The following C2CD2 variants were observed in gnomAD, a reference collection of about 807,000 sequenced individuals.
The protein encoded by C2CD2 is C2 calcium dependent domain containing 2.
C2CD2 carries 43 observed loss-of-function variants against 74.3 expected under a neutral mutation model. The ratio of observed to expected loss-of-function variants is 0.58; its 90% CI spans 0.45 to 0.75. The LOEUF (loss-of-function observed/expected upper bound fraction) is 0.75. C2CD2 is among the 30% of genes least tolerant of loss of function. The probability of loss-of-function intolerance (pLI) is 0.00; values close to 1 mark genes in which losing one functional copy is unlikely to be tolerated. For synonymous variants in C2CD2, 422 were observed against 390.7 expected (o/e 1.08, Z -0.94); for missense variants, 801 against 916.3 (o/e 0.87, Z 1.63).
intron 13 of C2CD2, among the ~76,000 whole-genome samples, chr21:41,893,169 T>A (rs1163709635): frequency 6.6e-6 from 1 of 152,174 alleles, no homozygotes; most frequent in Non-Finnish European, 1.5e-5. Context: ...AAAATTAAAC[T>A]TTTTTTAAAA....
chr21:41,951,685 T>C (rs1015535631), intron 1 of C2CD2, among the ~76,000 whole-genome samples: 10 of 152,242 alleles, frequency 6.6e-5, no homozygotes, highest in African/African-American at 2.4e-4. Flanking sequence ...TGTTCTCAGA[T>C]TGACTTGACC....
chr21:41,951,692 G>C (rs996794341), intron 1 of C2CD2, among the ~76,000 whole-genome samples: 7 of 152,168 alleles, frequency 4.6e-5, no homozygotes, highest in African/African-American at 1.7e-4. Flanking sequence ...AGATTGACTT[G>C]ACCAGCCTAA....
At chr21:41,932,795 C>G (rs547221813) in intron 2 of C2CD2, among the ~76,000 whole-genome samples, 4 of 150,628 alleles carry the variant, frequency 2.7e-5, no homozygotes, top group African/African-American at 9.7e-5. Flanking sequence ...TCTGTGTAGA[C>G]TATGCAGAGA....
intron 2 of C2CD2, among the ~76,000 whole-genome samples, chr21:41,932,946 G>C (rs1372215947): frequency 6.6e-6 from 1 of 150,456 alleles, no homozygotes; most frequent in Admixed American, 6.7e-5. Flanking sequence ...CCCACAGGGA[G>C]ACTCCAGATG....
chr21:41,901,144 G>T (rs573286197), intron 12 of C2CD2: 4 of 215,038 alleles, frequency 1.9e-5, no homozygotes, highest in African/African-American at 4.6e-5. Flanking sequence ...CAGAGCGGGA[G>T]AAGGGGGAGA....
At chr21:41,891,921 G>A (rs187684600) in intron 13 of C2CD2, among the ~76,000 whole-genome samples, 1 of 152,278 alleles carries the variant, frequency 6.6e-6, no homozygotes, top group African/African-American at 2.4e-5. Flanking sequence ...AAGCTGGCCT[G>A]GCGTCTGTAT....
Position 41,887,582 on chromosome 21 carries a change from GT to G in C2CD2, c.*1541del, listed in dbSNP as rs1223431529. 6.6e-6 allele frequency: 1 copy of G among 150,380 alleles called. No homozygotes were observed. Among genetic ancestry groups the G allele is most frequent in the Admixed American group, 6.6e-5 (1 of 15,110 alleles). The allele number at this position is 150,380 out of a possible 1,614,324, so 9.3% of individuals were successfully genotyped here. On this transcript the variant is annotated 3_prime_UTR_variant, in exon 14 of 14. Coordinates refer to ENST00000380486, the MANE Select transcript of C2CD2 (RefSeq NM_015500.2). Reference sequence around the variant, plus strand: ...TCCTATAATTTTGGTTTTTATATAGGTTTTTACTAAAAAAGAAAAAAATCCT... The same window carrying G: ...TCCTATAATTTTGGTTTTTATATAGGTTTTACTAAAAAAGAAAAAAATCCT...
At chr21:41,896,488 C>T (rs1307035898) in intron 13 of C2CD2, among the ~76,000 whole-genome samples, 3 of 152,142 alleles carry the variant, frequency 2.0e-5, no homozygotes, top group African/African-American at 7.2e-5. Context: ...ACCCTCTTAA[C>T]CATTTCTACC....
intron 3 of C2CD2, 26 bp downstream of exon 3, chr21:41,921,946 A>AGT (rs770386525): frequency 1.4e-6 from 2 of 1,450,768 alleles, no homozygotes. Flanking sequence ...CGGGTCTCAT[A>AGT]ACTTGCAAAG....
At chr21:41,951,000 C>T (rs889256524) in intron 1 of C2CD2, among the ~76,000 whole-genome samples, 1 of 152,104 alleles carries the variant, frequency 6.6e-6, no homozygotes, top group Non-Finnish European at 1.5e-5. Context: ...CAGGCGAGAG[C>T]GGGCTTGGAG....
chr21:41,952,654 G>A (rs1416574815), intron 1 of C2CD2, among the ~76,000 whole-genome samples: 1 of 152,266 alleles, frequency 6.6e-6, no homozygotes, highest in African/African-American at 2.4e-5. Flanking sequence ...GGACTGTGAG[G>A]CAGCAGAGGT....
In C2CD2 at chr21:41,912,313, A is replaced by G; in HGVS notation, c.953+19T>C. 1 of 1,528,378 alleles carries G rather than the reference A, an allele frequency of 6.5e-7. No individual in the cohort carries two copies. The highest frequency in any genetic ancestry group is 1.1e-5 in the South Asian group (1 of 87,782). The allele number at this position is 1,528,378 out of a possible 1,614,324, so 94.7% of individuals were successfully genotyped here. Reference sequence around the variant, plus strand: ...GACACGGCCGTGGACACACAGGCCCATAACCCGGCCAGACTCACAAGGTGA... The same window carrying G: ...GACACGGCCGTGGACACACAGGCCCGTAACCCGGCCAGACTCACAAGGTGA... On this transcript the variant is annotated intron_variant, in intron 7 of 13. Coordinates refer to ENST00000380486, the MANE Select transcript of C2CD2 (RefSeq NM_015500.2).
intron 2 of C2CD2, among the ~76,000 whole-genome samples, chr21:41,936,793 T>G (rs2065310907): frequency 6.6e-6 from 1 of 151,812 alleles, no homozygotes; most frequent in South Asian, 2.1e-4. Flanking sequence ...TAGATTTTTT[T>G]CTTCCATATG....
chr21:41,944,699 G>A (rs1043840518), intron 1 of C2CD2, among the ~76,000 whole-genome samples: 7 of 152,076 alleles, frequency 4.6e-5, no homozygotes, highest in Admixed American at 1.3e-4. Context: ...CACAAATTCA[G>A]GTATCTCTGC....
chr21:41,915,654 G>A (rs1333404665), intron 5 of C2CD2, among the ~76,000 whole-genome samples: 1 of 152,038 alleles, frequency 6.6e-6, no homozygotes, highest in Admixed American at 6.5e-5. Flanking sequence ...TGGCCAGGCT[G>A]GTCTCGAAAT....
intron 1 of C2CD2, among the ~76,000 whole-genome samples, chr21:41,951,471 G>A (rs377293009): frequency 1.3e-5 from 2 of 150,814 alleles, no homozygotes; most frequent in Non-Finnish European, 2.9e-5. Flanking sequence ...GCATGAATCC[G>A]GGACACTGTT....
At chr21:41,946,897 C>G (rs1482980196) in intron 1 of C2CD2, among the ~76,000 whole-genome samples, 1 of 151,966 alleles carries the variant, frequency 6.6e-6, no homozygotes, top group African/African-American at 2.4e-5. Context: ...CTTTAGTTAT[C>G]AAGGTCATAA....
At chr21:41,896,771 TTTGAAAAATGTTTGG>T (rs2064829091) in intron 13 of C2CD2, among the ~76,000 whole-genome samples, 1 of 150,390 alleles carries the variant, frequency 6.6e-6, no homozygotes, top group Non-Finnish European at 1.5e-5. Context: ...TATCACCAGT[TTTGAAAAATGTTTGG>T]TTGAAAAATG....
chr21:41,909,585 TAG>T (rs1175013210), intron 7 of C2CD2, 62 bp from the exon 8 acceptor site: 4 of 1,104,760 alleles, frequency 3.6e-6, no homozygotes, highest in Non-Finnish European at 4.2e-6. Flanking sequence ...TTTTATGAAA[TAG>T]AGTGTTTTTT....
Sources: gnomAD v4.1 joint callset for allele counts (sites outside exome capture counted in the v4.1 genomes callset) on GRCh38, gnomAD v4.1.1 for gene constraint, MANE v1.5 for transcripts, NCBI Gene and HGNC (gene_info 2026-07-23, HGNC 2026-07-21) for gene names.